UBA2: variants seen among roughly 807,000 people sequenced by gnomAD.
UBA2 encodes the protein ubiquitin like modifier activating enzyme 2, also known as SUMO-activating enzyme subunit 2.
A neutral mutation model predicts 77.2 loss-of-function variants in UBA2; 11 were observed. That is an observed-to-expected ratio of 0.14 (90% CI 0.09 to 0.24). The LOEUF (loss-of-function observed/expected upper bound fraction) is 0.24, where lower values mean the gene tolerates loss of function less well. UBA2 is among the 10% of genes least tolerant of loss of function. The pLI is 1.00. For missense variants in UBA2, 487 were observed against 781.7 expected, an observed-to-expected ratio of 0.62 and a Z score of 4.50; for synonymous variants, 278 against 276.7, an observed-to-expected ratio of 1.00 and a Z score of -0.05.
intron 9 of UBA2, among the ~76,000 whole-genome samples, chr19:34,451,543 T>G (rs1038316720): frequency 1.6e-4 from 20 of 121,622 alleles, no homozygotes; most frequent in African/African-American, 2.5e-4. Context: ...ACAGTTTTTT[T>G]TTTTTTTTTT....
In UBA2 at chr19:34,469,298, C is replaced by A. The variant is rs2145576701; in HGVS notation, c.*77C>A. On this transcript the variant is annotated 3_prime_UTR_variant, in exon 17 of 17. Transcript: ENST00000246548. The stretch of plus-strand genomic sequence containing the variant: ...AACCAGATTGTTATGTCCTTTGTTC[C>A]AAAGGGAAAAAATTGACAGCAGTGA... 2 of 1,344,478 alleles carry A rather than the reference C, an allele frequency of 1.5e-6. No homozygotes were observed. Among genetic ancestry groups the A allele is most frequent in the East Asian group, 5.3e-5 (2 of 37,540 alleles). The allele number at this position is 1,344,478 out of a possible 1,614,324, so 83.3% of individuals were successfully genotyped here.
intron 5 of UBA2, among the ~76,000 whole-genome samples, chr19:34,437,492 C>T (rs2075321992): frequency 6.6e-6 from 1 of 151,634 alleles, no homozygotes; most frequent in African/African-American, 2.4e-5. Context: ...CACCTGTAAT[C>T]CCAGCTACTT....
chr19:34,434,726 C>T, intron 4 of UBA2, 142 bp from the exon 5 acceptor site: 2 of 616,760 alleles, frequency 3.2e-6, no homozygotes, highest in Non-Finnish European at 5.8e-6. Flanking sequence ...CTGTAATTAA[C>T]AGTTGTATTA....
intron 15 of UBA2, 89 bp from the exon 16 acceptor site, chr19:34,466,789 A>G: frequency 8.8e-7 from 1 of 1,139,806 alleles, no homozygotes; most frequent in Non-Finnish European, 1.3e-6. Context: ...GTGTATACAT[A>G]GTGTATGCTT....
intron 10 of UBA2, among the ~76,000 whole-genome samples, chr19:34,453,084 C>T (rs1193065506): frequency 6.6e-6 from 1 of 152,162 alleles, no homozygotes; most frequent in Non-Finnish European, 1.5e-5. Flanking sequence ...GATAAGACAG[C>T]TGCTTAGGGA....
At chr19:34,460,270 G>A (rs2075616395) in intron 13 of UBA2, among the ~76,000 whole-genome samples, 200 bp from the exon 14 acceptor site, 1 of 152,166 alleles carries the variant, frequency 6.6e-6, no homozygotes, top group African/African-American at 2.4e-5. Context: ...GATCTGATCT[G>A]CATCAGTGGT....
rs917392685 is a variant in UBA2 at position 34,428,383 on chromosome 19, G to C, written c.-50G>C. 35 of 1,231,258 alleles carry C rather than the reference G, an allele frequency of 2.8e-5. No homozygotes were observed. The Admixed American group carries it at 1.1e-3, about 40-fold the overall frequency. The allele number at this position is 1,231,258 out of a possible 1,614,324, so 76.3% of individuals were successfully genotyped here. ...CCTTCCCCCACCCGCTTCCGGCCGC[G>C]GCTCGGTTCTCCCGCCTCCGCCTCC... On this transcript the variant is annotated 5_prime_UTR_variant, in exon 1 of 17. Transcript: ENST00000246548.
At chr19:34,460,956 T>G (rs1341052384) in intron 14 of UBA2, among the ~76,000 whole-genome samples, 1 of 152,226 alleles carries the variant, frequency 6.6e-6, no homozygotes, top group African/African-American at 2.4e-5. Flanking sequence ...GCAGAAAGAT[T>G]ATTGAAATTC....
intron 12 of UBA2, among the ~76,000 whole-genome samples, chr19:34,457,728 A>G (rs1174221989): frequency 3.3e-5 from 5 of 152,160 alleles, no homozygotes; most frequent in Non-Finnish European, 7.4e-5. Flanking sequence ...TCAACACTAC[A>G]TTGTAGTCAC....
In UBA2 at chr19:34,454,495, C is replaced by T; in HGVS notation, c.1184C>T (p.Ala395Val). The T allele has an allele frequency of 6.2e-7, 1 of 1,610,470 alleles. No homozygotes were observed. Among genetic ancestry groups the T allele is most frequent in the Admixed American group, 1.7e-5 (1 of 59,588 alleles). Residue 395 changes from alanine (A) to valine (V), a missense_variant, in exon 12 of 17, where the codon GCT (alanine) becomes GTT (valine). Physicochemically the swap from Ala to Val is moderately conservative, Grantham distance 64 (BLOSUM62 0). Coordinates refer to ENST00000246548, the MANE Select transcript of UBA2 (RefSeq NM_005499.3). ...PAIATTNAVIAGLIVLEGLKI... is the reference protein window; with the variant it reads ...PAIATTNAVIVGLIVLEGLKI... ...ATTGCTACTACTAATGCAGTAATTG[C>T]TGGGTTGATAGTATTGGAAGGATTG...
chr19:34,445,594 A>G (rs1417429634), intron 8 of UBA2, among the ~76,000 whole-genome samples: 1 of 151,982 alleles, frequency 6.6e-6, no homozygotes, highest in Non-Finnish European at 1.5e-5. Context: ...GTGTACCATC[A>G]GGCCTGGCTA....
intron 12 of UBA2, among the ~76,000 whole-genome samples, chr19:34,456,160 A>T (rs1222843453): frequency 6.4e-5 from 8 of 125,354 alleles, no homozygotes; most frequent in Admixed American, 6.1e-4. Context: ...GCTGGAGTAC[A>T]GTGGAGTACA....
Position 34,458,885 on chromosome 19 carries a change from G to A in UBA2, c.1362G>A (p.Leu454=). Residue 454 remains leucine (L), a synonymous_variant, in exon 13 of 17, where the codon CTG becomes CTA. Coordinates refer to ENST00000246548, the MANE Select transcript of UBA2 (RefSeq NM_005499.3). ...CASKPEVTVR[L]NVHKVTVLTL... ...GCAAGCCAGAGGTGACTGTGCGGCT[G>A]AATGTCCATAAAGTGACTGTTCTCA... 1.2e-6 allele frequency: 2 copies of A among 1,614,088 alleles called. No individual in the cohort carries two copies. Among genetic ancestry groups the A allele is most frequent in the Non-Finnish European group, 8.5e-7 (1 of 1,180,004 alleles).
In UBA2 at chr19:34,452,059, G is replaced by A. The variant is rs1278693701; in HGVS notation, c.950G>A (p.Ser317Asn). ...GACCAGCAGGTTCTAGATGTAAAGAGCTATGCACGTCTTTTTTCAAAGAGC... is the reference window on the plus strand; with the variant it reads ...GACCAGCAGGTTCTAGATGTAAAGAACTATGCACGTCTTTTTTCAAAGAGC... ...LKDQQVLDVK[S>N]YARLFSKSIE... Residue 317 changes from serine (S) to asparagine (N), a missense_variant, in exon 10 of 17, where the codon AGC becomes AAC. Transcript: ENST00000246548. 2 of 1,612,184 alleles carry A rather than the reference G, an allele frequency of 1.2e-6. No homozygotes were observed. The highest frequency in any genetic ancestry group is 1.7e-5 in the Admixed American group (1 of 59,972).
chr19:34,468,922 C>A, intron 16 of UBA2, 118 bp from the exon 17 acceptor site: 2 of 709,622 alleles, frequency 2.8e-6, no homozygotes, highest in Non-Finnish European at 4.3e-6. Flanking sequence ...GAAAATGCAG[C>A]CATTCTTAAG....
intron 2 of UBA2, among the ~76,000 whole-genome samples, chr19:34,431,221 T>C (rs1175327068): frequency 6.6e-6 from 1 of 151,266 alleles, no homozygotes; most frequent in Non-Finnish European, 1.5e-5. Context: ...ACCTTTACTT[T>C]ACTTTTCCTA....
At chr19:34,456,751 T>G (rs2075566692) in intron 12 of UBA2, among the ~76,000 whole-genome samples, 4 of 151,554 alleles carry the variant, frequency 2.6e-5, no homozygotes, top group Non-Finnish European at 5.9e-5. Context: ...AGAGACAGGG[T>G]TTTACCATGT....
intron 12 of UBA2, 50 bp downstream of exon 12, chr19:34,454,606 TA>T (rs1568379761): frequency 1.1e-6 from 1 of 913,496 alleles, no homozygotes; most frequent in African/African-American, 1.7e-5. Context: ...AAAAAATCAT[TA>T]ATTAAAAGTA....
intron 14 of UBA2, among the ~76,000 whole-genome samples, chr19:34,461,136 A>G (rs1316804438): frequency 6.6e-6 from 1 of 151,926 alleles, no homozygotes; most frequent in Non-Finnish European, 1.5e-5. Context: ...TTGATCCTAT[A>G]CCTCCTTGGT....
Sources: gnomAD v4.1 joint callset for allele counts (sites outside exome capture counted in the v4.1 genomes callset) on GRCh38, gnomAD v4.1.1 for gene constraint, MANE v1.5 for transcripts, NCBI Gene and HGNC (gene_info 2026-07-23, HGNC 2026-07-21) for gene names.